The following ASCC3 variants were observed in gnomAD, a reference collection of about 807,000 sequenced individuals.
ASCC3 encodes the protein ASC-1 complex subunit P200.
ASCC3 carries 158 observed loss-of-function variants against 256.3 expected under a neutral mutation model. That is an observed-to-expected ratio of 0.62 (90% confidence interval 0.54 to 0.70). ASCC3 has a LOEUF of 0.70. ASCC3 is among the 30% of genes least tolerant of loss of function. The pLI is 0.00. For missense variants in ASCC3, 2,259 were observed against 2,626.0 expected (o/e 0.86, Z 3.05); for synonymous variants, 948 against 883.4 (o/e 1.07, Z -1.30).
Position 100,629,153 on chromosome 6 carries a change from G to C in ASCC3, c.4237C>G (p.Pro1413Ala), listed in dbSNP as rs1174294644. Residue 1413 changes from proline to alanine, a missense_variant, in exon 27 of 42, where the codon CCT becomes GCT. Pro to Ala is a conservative substitution (Grantham distance 27). Coordinates refer to ENST00000369162, the MANE Select transcript of ASCC3 (RefSeq NM_006828.4). ...GCCTTGGCAATGGATTTCATATCAG[G>C]AGTCACATCCCCTGTTAGTTCAATA... ...KVIELTGDVT[P>A]DMKSIAKADL... is the part of the protein sequence containing the mutation. The C allele has an allele frequency of 6.2e-7, 1 of 1,613,514 alleles. No individual in the cohort carries two copies. Among genetic ancestry groups the C allele is most frequent in the Admixed American group, 1.7e-5 (1 of 59,930 alleles).
At chr6:100,676,284 T>C (rs1332766811) in intron 14 of ASCC3, among the ~76,000 whole-genome samples, 1 of 152,248 alleles carries the variant, frequency 6.6e-6, no homozygotes, top group South Asian at 2.1e-4. Context: ...TCATTCTATC[T>C]GTTTCTCATA....
At chr6:100,777,309 T>C (rs1478473611) in intron 8 of ASCC3, among the ~76,000 whole-genome samples, 1 of 152,132 alleles carries the variant, frequency 6.6e-6, no homozygotes, top group Non-Finnish European at 1.5e-5. Flanking sequence ...CCTAACAGGA[T>C]ACGTTTTAAA....
intron 36 of ASCC3, among the ~76,000 whole-genome samples, chr6:100,544,807 C>T (rs1775628496): frequency 6.6e-6 from 1 of 152,132 alleles, no homozygotes; most frequent in Admixed American, 6.5e-5. Context: ...TATTTCCCAA[C>T]TAATTTGATG....
chr6:100,608,082 A>ATATATCGATATACACATATATATG (rs1562160887), intron 30 of ASCC3, among the ~76,000 whole-genome samples: 4 of 71,424 alleles, frequency 5.6e-5, no homozygotes, highest in East Asian at 3.5e-4. Flanking sequence ...ATATATATGT[A>ATATATCGATATACACATATATATG]TATATATCTA....
chr6:100,542,734 T>C (rs1271977983), intron 36 of ASCC3, among the ~76,000 whole-genome samples: 1 of 151,894 alleles, frequency 6.6e-6, no homozygotes, highest in African/African-American at 2.4e-5. Flanking sequence ...TCTAGAATGC[T>C]AAATTCAGTG....
At chr6:100,775,838 G>C (rs1035439785) in intron 8 of ASCC3, among the ~76,000 whole-genome samples, 1 of 147,384 alleles carries the variant, frequency 6.8e-6, no homozygotes, top group African/African-American at 2.6e-5. Flanking sequence ...GACAGCAATT[G>C]TGACAGCAGT....
intron 10 of ASCC3, among the ~76,000 whole-genome samples, chr6:100,734,595 A>G (rs1466585061): frequency 6.6e-6 from 1 of 152,146 alleles, no homozygotes; most frequent in African/African-American, 2.4e-5. Flanking sequence ...TTTCATATAA[A>G]AAAGATTATA....
chr6:100,546,168 C>T (rs1373430542), intron 36 of ASCC3, among the ~76,000 whole-genome samples: 1 of 151,952 alleles, frequency 6.6e-6, no homozygotes, highest in Non-Finnish European at 1.5e-5. Flanking sequence ...ATATGAAGTA[C>T]ACTTAGAGAT....
chr6:100,752,914 A>T (rs1781002482), intron 10 of ASCC3, among the ~76,000 whole-genome samples: 1 of 152,178 alleles, frequency 6.6e-6, no homozygotes, highest in Non-Finnish European at 1.5e-5. Flanking sequence ...TAAACCCAAA[A>T]TAAGAAATAT....
At chr6:100,740,070 G>A (rs1339792042) in intron 10 of ASCC3, among the ~76,000 whole-genome samples, 1 of 152,110 alleles carries the variant, frequency 6.6e-6, no homozygotes, top group Non-Finnish European at 1.5e-5. Context: ...TGAGCATTTA[G>A]TACTATAAAT....
intron 10 of ASCC3, among the ~76,000 whole-genome samples, chr6:100,740,817 A>C (rs564804647): frequency 7.2e-5 from 11 of 152,322 alleles, no homozygotes; most frequent in African/African-American, 2.4e-4. Flanking sequence ...GGTCTCTTCA[A>C]AACAGCAGAC....
chr6:100,870,074 G>A (rs1006243974), intron 1 of ASCC3, among the ~76,000 whole-genome samples: 1 of 152,084 alleles, frequency 6.6e-6, no homozygotes, highest in African/African-American at 2.4e-5. Context: ...TTCAATTATT[G>A]TCAGGTCAAG....
chr6:100,643,259 T>C (rs1280987333), intron 23 of ASCC3, among the ~76,000 whole-genome samples: 1 of 152,140 alleles, frequency 6.6e-6, no homozygotes, highest in Non-Finnish European at 1.5e-5. Context: ...TTATCTTTGA[T>C]AAAAACAGAA....
intron 4 of ASCC3, among the ~76,000 whole-genome samples, chr6:100,814,099 T>G (rs1770622852): frequency 6.6e-6 from 1 of 152,190 alleles, no homozygotes. Flanking sequence ...CTCTTACTAT[T>G]TTGAGGTATG....
At chr6:100,846,058 A>G (rs1772366995) in intron 4 of ASCC3, among the ~76,000 whole-genome samples, 1 of 152,226 alleles carries the variant, frequency 6.6e-6, no homozygotes. Flanking sequence ...AATAGAAATT[A>G]ACTGTTATCA....
chr6:100,638,856 T>A (rs1254143930), intron 24 of ASCC3, 35 bp from the exon 25 acceptor site: 2 of 1,501,106 alleles, frequency 1.3e-6, no homozygotes, highest in South Asian at 2.3e-5. Context: ...ATACGACAAT[T>A]GAAAAACACG....
intron 3 of ASCC3, chr6:100,857,933 C>T (rs1048940540): frequency 6.6e-6 from 1 of 151,616 alleles, no homozygotes; most frequent in Non-Finnish European, 1.5e-5. Context: ...CCTGGGATAG[C>T]ACTGAATCTA....
chr6:100,558,434 G>C, intron 36 of ASCC3, among the ~76,000 whole-genome samples: 1 of 152,062 alleles, frequency 6.6e-6, no homozygotes, highest in East Asian at 1.9e-4. Flanking sequence ...TTCAATAAGT[G>C]ATTTGTTCTT....
At chr6:100,790,189 C>A (rs900479937) in intron 8 of ASCC3, among the ~76,000 whole-genome samples, 39 of 151,980 alleles carry the variant, frequency 2.6e-4, no homozygotes, top group African/African-American at 9.4e-4. Flanking sequence ...AACCACTATA[C>A]ATTTTCTGTG....
Sources: gnomAD v4.1 joint callset for allele counts (sites outside exome capture counted in the v4.1 genomes callset) on GRCh38, gnomAD v4.1.1 for gene constraint, MANE v1.5 for transcripts, NCBI Gene and HGNC (gene_info 2026-07-23, HGNC 2026-07-21) for gene names.